MAP4K5: variants seen among roughly 807,000 people sequenced by gnomAD.
The protein encoded by MAP4K5 is MAPK/ERK kinase kinase kinase 5.
A neutral mutation model predicts 135.6 loss-of-function variants in MAP4K5; 82 were observed. The ratio of observed to expected loss-of-function variants is 0.60; its 90% CI spans 0.51 to 0.73. MAP4K5 has a LOEUF of 0.73. Among genes scored for constraint, MAP4K5 ranks in the 30% least tolerant of loss-of-function variants. MAP4K5 has a pLI of 0.00. For missense variants in MAP4K5, 907 were observed against 1,010.9 expected (o/e 0.90, Z 1.39); for synonymous variants, 347 against 335.0 (o/e 1.04, Z -0.39).
intron 3 of MAP4K5, among the ~76,000 whole-genome samples, chr14:50,490,175 T>C (rs1233079666): frequency 8.7e-6 from 1 of 114,366 alleles, no homozygotes; most frequent in African/African-American, 3.3e-5. Context: ...GAACTCAGCC[T>C]GATACTCTTA....
intron 31 of MAP4K5, 147 bp from the exon 32 acceptor site, chr14:50,423,323 T>C (rs997454454): frequency 1.1e-5 from 6 of 524,908 alleles, no homozygotes; most frequent in African/African-American, 3.8e-5. Flanking sequence ...AGTAAGTTTT[T>C]TGATTGCATA....
rs1566659520 is a variant in MAP4K5 at position 50,466,610 on chromosome 14, G to A, written c.710C>T (p.Pro237Leu). Reference sequence around the variant, plus strand: ...TTTTGTTTTGTCCTTTAGTTTTGGAGGCTGAAAATTACTTTTTGACATTAA... The same window carrying A: ...TTTTGTTTTGTCCTTTAGTTTTGGAAGCTGAAAATTACTTTTTGACATTAA... ...LFLMSKSNFQ[P>L]PKLKDKTKWS... is the part of the protein sequence containing the mutation. Residue 237 changes from proline to leucine, a missense_variant, in exon 11 of 33, where the codon CCT (proline) becomes CTT (leucine). By Grantham distance (98) the Pro-to-Leu change is moderately conservative. Transcript: ENST00000682126. 1 of 1,463,498 alleles carries A rather than the reference G, an allele frequency of 6.8e-7. No individual in the cohort carries two copies. The highest frequency in any genetic ancestry group is 9.4e-7 in the Non-Finnish European group (1 of 1,067,986). 90.7% of individuals were successfully genotyped at this position (1,463,498 alleles called of 1,614,324 possible). A position where few individuals can be genotyped will look rare whatever the true frequency, so the allele number is the denominator to read the frequency against.
At chr14:50,483,251 C>T (rs900489530) in intron 5 of MAP4K5, 1 of 152,116 alleles carries the variant, frequency 6.6e-6, no homozygotes, top group South Asian at 2.1e-4. Context: ...TAAAAAATAA[C>T]CGTGTCACTT....
intron 3 of MAP4K5, among the ~76,000 whole-genome samples, chr14:50,498,220 C>G (rs956405757): frequency 6.6e-6 from 1 of 152,078 alleles, no homozygotes; most frequent in Non-Finnish European, 1.5e-5. Context: ...CTCTGGATGT[C>G]TAATCAAAGA....
At position 50,476,250 on chromosome 14, in the gene MAP4K5, T is replaced by C. The variant is rs767797076; in HGVS notation, c.426+9A>G. The C allele has an allele frequency of 6.7e-7, 1 of 1,501,724 alleles. No individual in the cohort carries two copies. The allele number at this position is 1,501,724 out of a possible 1,614,324, so 93.0% of individuals were successfully genotyped here. On this transcript the variant is annotated intron_variant, in intron 7 of 32. Coordinates refer to ENST00000682126, the MANE Select transcript of MAP4K5 (RefSeq NM_006575.6). Reference sequence around the variant, plus strand: ...GAATTGGCAATTTAAATGTATTAAATGAACTTACTTTGATATCTCTATGCA... The same window carrying C: ...GAATTGGCAATTTAAATGTATTAAACGAACTTACTTTGATATCTCTATGCA...
At chr14:50,478,234 C>T (rs1181784439) in intron 6 of MAP4K5, among the ~76,000 whole-genome samples, 1 of 152,042 alleles carries the variant, frequency 6.6e-6, no homozygotes, top group Non-Finnish European at 1.5e-5. Context: ...TTTGTAAATT[C>T]TGTCTTGATA....
chr14:50,429,888 A>G (rs1168621913), intron 28 of MAP4K5, among the ~76,000 whole-genome samples: 2 of 152,218 alleles, frequency 1.3e-5, no homozygotes, highest in Admixed American at 6.5e-5. Context: ...ATCTGCTGAT[A>G]GATGTAATAA....
Position 50,464,077 on chromosome 14 carries a change from C to CT in MAP4K5, c.793dup (p.Arg265LysfsTer5), listed in dbSNP as rs746424357. 47 of 1,542,868 alleles carry CT rather than the reference C, an allele frequency of 3.0e-5. No individual in the cohort carries two copies. Among genetic ancestry groups the CT allele is most frequent in the Middle Eastern group, 1.7e-4 (1 of 5,972 alleles). On this transcript the variant is annotated frameshift_variant, in exon 12 of 33. Transcript: ENST00000682126. LOFTEE classifies it high-confidence loss of function. ...AGTCAGAAGTCTTTCAGCAGTTGGT[C>CT]TTTTTTTTGGGTTTTTGGTTAGTGC...
chr14:50,482,087 TGG>T (rs2037255623), intron 6 of MAP4K5, among the ~76,000 whole-genome samples: 1 of 152,194 alleles, frequency 6.6e-6, no homozygotes. Flanking sequence ...CACATGACCA[TGG>T]TGTGCATCAG....
chr14:50,517,605 T>C (rs1285280780), intron 2 of MAP4K5, among the ~76,000 whole-genome samples: 1 of 151,832 alleles, frequency 6.6e-6, no homozygotes, highest in Non-Finnish European at 1.5e-5. Context: ...CTGTCTCTAC[T>C]AAAAATACAA....
chr14:50,479,416 T>A (rs12323877), intron 6 of MAP4K5, among the ~76,000 whole-genome samples: 128,747 of 150,538 alleles, frequency 0.86, 55,887 homozygotes, highest in East Asian at 0.94. Context: ...TCATCCTTTG[T>A]TAATTCCATC....
chr14:50,555,064 G>T (rs547803935), intron 1 of MAP4K5, among the ~76,000 whole-genome samples: 2 of 152,310 alleles, frequency 1.3e-5, no homozygotes, highest in East Asian at 3.9e-4. Context: ...TAGGTCAATG[G>T]TATTTGAGTG....
chr14:50,482,196 A>G (rs190977721), intron 6 of MAP4K5, among the ~76,000 whole-genome samples, 165 bp downstream of exon 6: 1 of 152,382 alleles, frequency 6.6e-6, no homozygotes, highest in East Asian at 1.9e-4. Flanking sequence ...AACTAGTTTT[A>G]CAGAATTATA....
intron 3 of MAP4K5, among the ~76,000 whole-genome samples, chr14:50,490,130 A>AGTGTGTGTGTGTGTGTGTGT (rs34549753): frequency 1.6e-5 from 2 of 121,252 alleles, no homozygotes; most frequent in East Asian, 3.6e-4. Flanking sequence ...AGCGAGTGAG[A>AGTGTGTGTGTGTGTGTGTGT]GTGTGTGTGT....
intron 3 of MAP4K5, among the ~76,000 whole-genome samples, chr14:50,487,165 G>A (rs979632079): frequency 6.6e-6 from 1 of 152,158 alleles, no homozygotes; most frequent in Non-Finnish European, 1.5e-5. Context: ...AAAATTAGCT[G>A]AGCATAGTGG....
intron 3 of MAP4K5, among the ~76,000 whole-genome samples, chr14:50,486,453 T>C (rs952852628): frequency 2.6e-5 from 4 of 152,128 alleles, no homozygotes; most frequent in African/African-American, 9.7e-5. Flanking sequence ...CACAGTATGG[T>C]TTAATAATGC....
intron 18 of MAP4K5, among the ~76,000 whole-genome samples, chr14:50,444,441 C>T (rs1046463694): frequency 1.3e-4 from 20 of 152,042 alleles, no homozygotes; most frequent in African/African-American, 4.1e-4. Context: ...GAAGGCTCAC[C>T]AAGCCCTTTA....
At chr14:50,450,607 AAAG>A (rs1225694526) in intron 14 of MAP4K5, 3 of 152,202 alleles carry the variant, frequency 2.0e-5, no homozygotes, top group Non-Finnish European at 4.4e-5. Context: ...AAAAATATGC[AAAG>A]AAGTTTTCTT....
At chr14:50,428,399 G>A (rs1165292353) in intron 30 of MAP4K5, among the ~76,000 whole-genome samples, 2 of 151,846 alleles carry the variant, frequency 1.3e-5, no homozygotes, top group Non-Finnish European at 2.9e-5. Context: ...GGGATTACAG[G>A]CACCCGCCAG....
Sources: allele counts gnomAD v4.1 joint callset (sites outside exome capture counted in the v4.1 genomes callset), GRCh38; gene constraint gnomAD v4.1.1; transcripts MANE v1.5; gene names NCBI Gene and HGNC (gene_info 2026-07-23, HGNC 2026-07-21).